Variants in LYPLAL1 observed in about 807,000 individuals in gnomAD.
LYPLAL1 encodes the protein lysophospholipase like 1, also known as lysophospholipase-like protein 1.
LYPLAL1 carries 23 observed loss-of-function variants against 19.7 expected under a neutral mutation model. The observed-to-expected ratio is 1.17, with a 90% confidence interval of 0.84 to 1.65. The LOEUF is 1.65. Ranked by LOEUF, LYPLAL1 falls within the 40% of genes most tolerant of loss-of-function variation. The pLI is 0.00. For missense variants in LYPLAL1, 355 were observed against 279.4 expected, an observed-to-expected ratio of 1.27 and a Z score of -1.93; for synonymous variants, 119 against 96.3, an observed-to-expected ratio of 1.24 and a Z score of -1.38.
At chr1:219,258,722 A>T in the LYPLAL1 span, among the ~76,000 whole-genome samples, 2 of 151,942 alleles carry the variant, frequency 1.3e-5, no homozygotes, top group Non-Finnish European at 2.9e-5. Flanking sequence ...TCTTTTGGGA[A>T]TGCCAAGAAC....
chr1:219,419,089 A>AT, the LYPLAL1 span, among the ~76,000 whole-genome samples: 1 of 152,178 alleles, frequency 6.6e-6, no homozygotes, highest in Non-Finnish European at 1.5e-5. Context: ...AGTTTTGGCA[A>AT]TTATAATTGA....
intron 2 of LYPLAL1, among the ~76,000 whole-genome samples, chr1:219,188,831 C>A (rs1003217408): frequency 6.6e-6 from 1 of 151,328 alleles, no homozygotes. Flanking sequence ...GAGTTTTATA[C>A]CAGCTAATAA....
At chr1:219,363,643 C>T in the LYPLAL1 span, among the ~76,000 whole-genome samples, 2 of 152,100 alleles carry the variant, frequency 1.3e-5, no homozygotes, top group Non-Finnish European at 1.5e-5. Context: ...CTTCCCAGAA[C>T]CTAGAAGGCC....
At chr1:219,412,393 G>A in the LYPLAL1 span, among the ~76,000 whole-genome samples, 7 of 152,144 alleles carry the variant, frequency 4.6e-5, no homozygotes, top group Admixed American at 2.6e-4. Context: ...GACTTTGGGC[G>A]ATAACCCCTC....
the LYPLAL1 span, among the ~76,000 whole-genome samples, chr1:219,329,148 C>T: frequency 1.3e-5 from 2 of 151,840 alleles, no homozygotes; most frequent in East Asian, 3.9e-4. Context: ...TTGCCATAAC[C>T]TGTAATTGGA....
the LYPLAL1 span, among the ~76,000 whole-genome samples, chr1:219,305,859 A>G: frequency 6.6e-6 from 1 of 152,228 alleles, no homozygotes; most frequent in African/African-American, 2.4e-5. Context: ...CACCAGCTTC[A>G]TCATCACTAT....
At chr1:219,307,332 A>G in the LYPLAL1 span, among the ~76,000 whole-genome samples, 43 of 152,292 alleles carry the variant, frequency 2.8e-4, no homozygotes, top group East Asian at 7.5e-3. Context: ...CAGTGGTGAC[A>G]TTAGCCATGA....
chr1:219,197,333 A>G (rs1463610664), intron 3 of LYPLAL1, among the ~76,000 whole-genome samples: 1 of 152,168 alleles, frequency 6.6e-6, no homozygotes, highest in Non-Finnish European at 1.5e-5. Flanking sequence ...TCACATCTAC[A>G]ACCATCTGAT....
the LYPLAL1 span, among the ~76,000 whole-genome samples, chr1:219,331,478 G>A: frequency 6.6e-6 from 1 of 152,062 alleles, no homozygotes; most frequent in Non-Finnish European, 1.5e-5. Flanking sequence ...ATCTTCTTTG[G>A]ACTGGTGGAC....
the LYPLAL1 span, chr1:219,410,246 T>C: frequency 6.6e-6 from 1 of 152,212 alleles, no homozygotes; most frequent in African/African-American, 2.4e-5. Context: ...TAAAGCAGCT[T>C]TATTATTGTG....
the LYPLAL1 span, among the ~76,000 whole-genome samples, chr1:219,340,761 G>A: frequency 1.3e-5 from 2 of 152,058 alleles, no homozygotes; most frequent in Non-Finnish European, 2.9e-5. Context: ...TTATGAGGCT[G>A]AGATGAGAAC....
the LYPLAL1 span, among the ~76,000 whole-genome samples, chr1:219,348,036 T>G: frequency 6.6e-6 from 1 of 152,190 alleles, no homozygotes; most frequent in Non-Finnish European, 1.5e-5. Flanking sequence ...CCAAATAGAC[T>G]TTGTAGCAAA....
At chr1:219,401,007 T>A in the LYPLAL1 span, among the ~76,000 whole-genome samples, 1 of 152,232 alleles carries the variant, frequency 6.6e-6, no homozygotes, top group East Asian at 1.9e-4. Context: ...TTGTATATTT[T>A]ACATGATTTT....
chr1:219,257,359 G>GT, the LYPLAL1 span, among the ~76,000 whole-genome samples: 19 of 94,530 alleles, frequency 2.0e-4, no homozygotes, highest in African/African-American at 8.2e-4. Context: ...ACCAGTTTTT[G>GT]TTTTTTTTTT....
chr1:219,433,622 A>C, the LYPLAL1 span, among the ~76,000 whole-genome samples: 6 of 152,282 alleles, frequency 3.9e-5, no homozygotes, highest in African/African-American at 1.4e-4. Flanking sequence ...AGAGCTGAAA[A>C]ACACAGTATC....
the LYPLAL1 span, among the ~76,000 whole-genome samples, chr1:219,370,038 C>T: frequency 6.6e-6 from 1 of 152,146 alleles, no homozygotes; most frequent in African/African-American, 2.4e-5. Context: ...TCTGTGGCTC[C>T]GTCCTGGGAT....
the LYPLAL1 span, among the ~76,000 whole-genome samples, chr1:219,378,400 C>A: frequency 6.6e-6 from 1 of 152,092 alleles, no homozygotes. Flanking sequence ...AACTCACTCA[C>A]CATCATGAGA....
intron 2 of LYPLAL1, among the ~76,000 whole-genome samples, chr1:219,189,675 T>C (rs1656990654): frequency 6.6e-6 from 1 of 151,596 alleles, no homozygotes; most frequent in African/African-American, 2.4e-5. Flanking sequence ...TTTTATCTTT[T>C]CTGCAGCAGT....
the LYPLAL1 span, among the ~76,000 whole-genome samples, chr1:219,302,200 C>G: frequency 2.0e-5 from 3 of 152,160 alleles, no homozygotes; most frequent in Admixed American, 1.3e-4. Context: ...TTTGTACTTA[C>G]CTCAGCTCAG....
Sources: gnomAD v4.1 joint callset for allele counts (sites outside exome capture counted in the v4.1 genomes callset) on GRCh38, gnomAD v4.1.1 for gene constraint, MANE v1.5 for transcripts, NCBI Gene and HGNC (gene_info 2026-07-23, HGNC 2026-07-21) for gene names.